The following NRXN3 variants were observed in gnomAD, a reference collection of about 807,000 sequenced individuals.
NRXN3 encodes the protein neurexin III.
NRXN3 carries 32 observed loss-of-function variants against 137.6 expected under a neutral mutation model. That is an observed-to-expected ratio of 0.23 (90% CI 0.18 to 0.31). NRXN3 has a LOEUF of 0.31. Among genes scored for constraint, NRXN3 ranks in the 10% least tolerant of loss-of-function variants. NRXN3 has a pLI of 1.00. For synonymous variants in NRXN3, 798 were observed against 784.5 expected (o/e 1.02, Z -0.29); for missense variants, 1,574 against 2,062.5 (o/e 0.76, Z 4.59).
chr14:79,174,979 C>CTTT (rs5809926), intron 15 of NRXN3, among the ~76,000 whole-genome samples: 2 of 124,930 alleles, frequency 1.6e-5, no homozygotes, highest in African/African-American at 5.8e-5. Context: ...TTCAGATTTC[C>CTTT]TTTTTTTTTT....
chr14:78,874,813 A>G (rs1191529760), intron 10 of NRXN3, among the ~76,000 whole-genome samples: 2 of 152,184 alleles, frequency 1.3e-5, no homozygotes, highest in Non-Finnish European at 2.9e-5. Flanking sequence ...TGGGGAGTAG[A>G]TGCCAGAAGG....
chr14:79,077,388 G>T (rs2046157496), intron 15 of NRXN3, among the ~76,000 whole-genome samples: 1 of 152,114 alleles, frequency 6.6e-6, no homozygotes, highest in African/African-American at 2.4e-5. Flanking sequence ...AACCTGGAAA[G>T]CAATTTTTTT....
At chr14:78,782,864 T>C (rs1294528594) in intron 8 of NRXN3, among the ~76,000 whole-genome samples, 1 of 152,158 alleles carries the variant, frequency 6.6e-6, no homozygotes, top group Non-Finnish European at 1.5e-5. Flanking sequence ...TAGAGATACA[T>C]ATGTGTTCAA....
chr14:79,110,199 T>G (rs1273934294), intron 15 of NRXN3, among the ~76,000 whole-genome samples: 1 of 152,198 alleles, frequency 6.6e-6, no homozygotes, highest in African/African-American at 2.4e-5. Context: ...TATAAAAGCA[T>G]GCATTTTCGT....
intron 4 of NRXN3, among the ~76,000 whole-genome samples, chr14:78,399,256 A>G (rs899749364): frequency 1.2e-4 from 18 of 152,146 alleles, no homozygotes; most frequent in Admixed American, 2.0e-4. Flanking sequence ...AACCATATAC[A>G]TAATAAAAAT....
chr14:79,512,463 T>C (rs1008370398), intron 16 of NRXN3, among the ~76,000 whole-genome samples: 4 of 152,214 alleles, frequency 2.6e-5, no homozygotes, highest in African/African-American at 9.6e-5. Flanking sequence ...AACAATGTTA[T>C]TTAACACTTT....
intron 16 of NRXN3, among the ~76,000 whole-genome samples, chr14:79,532,355 C>A (rs1361818184): frequency 1.3e-5 from 2 of 152,074 alleles, no homozygotes; most frequent in Non-Finnish European, 2.9e-5. Context: ...ATGTAAGTTA[C>A]AAAAGCACTA....
chr14:79,819,482 CTTT>C (rs58492725), intron 20 of NRXN3, among the ~76,000 whole-genome samples: 11 of 71,902 alleles, frequency 1.5e-4, no homozygotes, highest in African/African-American at 2.6e-4. Context: ...ACATTAAAAG[CTTT>C]TTTTTTTTTT....
At chr14:78,267,887 TG>T (rs1419417752) in intron 2 of NRXN3, among the ~76,000 whole-genome samples, 9 of 152,202 alleles carry the variant, frequency 5.9e-5, no homozygotes, top group Non-Finnish European at 1.2e-4. Context: ...GCCGTCTTTT[TG>T]AGTCTCCAGT....
chr14:78,308,627 T>C (rs2077611608), intron 4 of NRXN3, among the ~76,000 whole-genome samples: 1 of 152,134 alleles, frequency 6.6e-6, no homozygotes, highest in Non-Finnish European at 1.5e-5. Context: ...TACTTAAAGA[T>C]AAGCTAATGA....
chr14:78,988,262 C>T (rs1335874877), intron 15 of NRXN3, 121 bp downstream of exon 15: 1 of 1,267,444 alleles, frequency 7.9e-7, no homozygotes, highest in African/African-American at 1.5e-5. Context: ...TTCTCTCCTC[C>T]AGAAACTTGG....
chr14:78,778,814 T>C (rs2098757736), intron 8 of NRXN3, among the ~76,000 whole-genome samples: 2 of 143,146 alleles, frequency 1.4e-5, no homozygotes, highest in African/African-American at 2.6e-5. Context: ...CTTTCTTTCT[T>C]TCTTTCTTTT....
chr14:79,145,177 G>A (rs895161612), intron 15 of NRXN3, among the ~76,000 whole-genome samples: 2 of 152,144 alleles, frequency 1.3e-5, no homozygotes, highest in South Asian at 4.2e-4. Context: ...GATACATAAG[G>A]CAACCATGTG....
At chr14:79,223,770 G>A (rs2070283355) in intron 15 of NRXN3, among the ~76,000 whole-genome samples, 1 of 152,064 alleles carries the variant, frequency 6.6e-6, no homozygotes, top group African/African-American at 2.4e-5. Flanking sequence ...TATATATGAT[G>A]ATAATAAATC....
chr14:78,690,269 C>T (rs912352370), intron 6 of NRXN3, among the ~76,000 whole-genome samples: 1 of 152,052 alleles, frequency 6.6e-6, no homozygotes, highest in African/African-American at 2.4e-5. Context: ...GATCATAGAC[C>T]AAGTATAGGA....
At chr14:78,378,386 G>C (rs1465116685) in intron 4 of NRXN3, among the ~76,000 whole-genome samples, 1 of 151,844 alleles carries the variant, frequency 6.6e-6, no homozygotes, top group African/African-American at 2.4e-5. Context: ...TCAGGAGGCT[G>C]AGGTGAGAGA....
At chr14:79,261,743 G>T (rs1265048682) in intron 15 of NRXN3, among the ~76,000 whole-genome samples, 2 of 151,916 alleles carry the variant, frequency 1.3e-5, no homozygotes, top group Non-Finnish European at 2.9e-5. Context: ...TTAGCACTAT[G>T]CACATATTAT....
chr14:78,441,734 A>G (rs2094256494), intron 4 of NRXN3, among the ~76,000 whole-genome samples: 1 of 152,190 alleles, frequency 6.6e-6, no homozygotes. Flanking sequence ...GAAGTTAAGG[A>G]TCTTGAGAAG....
chr14:78,827,169 T>G (rs2098969034), intron 10 of NRXN3, among the ~76,000 whole-genome samples: 1 of 152,026 alleles, frequency 6.6e-6, no homozygotes, highest in Admixed American at 6.6e-5. Context: ...AATTACCATT[T>G]CATTTCTGTT....
Sources: gnomAD v4.1 joint callset for allele counts (sites outside exome capture counted in the v4.1 genomes callset) on GRCh38, gnomAD v4.1.1 for gene constraint, MANE v1.5 for transcripts, NCBI Gene and HGNC (gene_info 2026-07-23, HGNC 2026-07-21) for gene names.